ENTPD3: variants seen among roughly 807,000 people sequenced by gnomAD.
ENTPD3 encodes the protein CD39 antigen-like 3.
In ENTPD3, 60 loss-of-function variants were observed where a neutral mutation model predicts 51.2. The ratio of observed to expected loss-of-function variants is 1.17; its 90% CI spans 0.95 to 1.45. The LOEUF is 1.45. ENTPD3 is among the 40% of genes most tolerant of loss of function. ENTPD3 has a pLI of 0.00. For synonymous variants in ENTPD3, 221 were observed against 238.4 expected, an observed-to-expected ratio of 0.93 and a Z score of 0.67; for missense variants, 593 against 641.1, an observed-to-expected ratio of 0.93 and a Z score of 0.81.
At chr3:40,399,852 C>T (rs2125592798) in intron 3 of ENTPD3, among the ~76,000 whole-genome samples, 1 of 152,262 alleles carries the variant, frequency 6.6e-6, no homozygotes, top group East Asian at 1.9e-4. Flanking sequence ...CAACACCTGC[C>T]TGTTCATTTG....
intron 3 of ENTPD3, among the ~76,000 whole-genome samples, chr3:40,397,779 T>A (rs1218364171): frequency 2.6e-5 from 4 of 152,168 alleles, no homozygotes; most frequent in African/African-American, 4.8e-5. Flanking sequence ...ACAGAGTAAT[T>A]TAACCAGTTT....
intron 6 of ENTPD3, 33 bp downstream of exon 6, chr3:40,414,873 T>C (rs993234652): frequency 6.2e-7 from 1 of 1,611,030 alleles, no homozygotes; most frequent in Non-Finnish European, 8.5e-7. Context: ...TTTTTAATCT[T>C]ACTGTTTATC....
Position 40,392,065 on chromosome 3 carries a change from TG to T in ENTPD3, c.85del (p.Val29SerfsTer4). The T allele has an allele frequency of 6.2e-7, 1 of 1,614,184 alleles. No homozygotes were observed. Among genetic ancestry groups the T allele is most frequent in the East Asian group, 2.2e-5 (1 of 44,878 alleles). Reference protein sequence around the residue: ...LYRTPTIIALVVLLVSIVVLV... With the variant: ...LYRTPTIIALXVLLVSIVVLV... The stretch of plus-strand genomic sequence containing the variant: ...CGAACTCCAACCATCATTGCCTTGG[TG>T]GTCTTGCTTGTGAGTATTGTGGTAC... On this transcript the variant is annotated frameshift_variant, in exon 3 of 11. Coordinates refer to ENST00000301825, the MANE Select transcript of ENTPD3 (RefSeq NM_001248.4). LOFTEE classifies it high-confidence loss of function.
chr3:40,402,111 CT>C (rs775322652), intron 4 of ENTPD3, among the ~76,000 whole-genome samples: 5 of 97,280 alleles, frequency 5.1e-5, no homozygotes, highest in Non-Finnish European at 6.4e-5. Flanking sequence ...ATTTCCTTTC[CT>C]TTTTTTTTTT....
At chr3:40,389,317 A>G (rs1955005978) in intron 2 of ENTPD3, among the ~76,000 whole-genome samples, 1 of 151,948 alleles carries the variant, frequency 6.6e-6, no homozygotes, top group South Asian at 2.1e-4. Flanking sequence ...GCCTCTGTGG[A>G]TTAACTGGTT....
In ENTPD3 at chr3:40,415,865, A is replaced by G. The variant is rs140642770; in HGVS notation, c.623A>G (p.His208Arg). Residue 208 changes from histidine (H) to arginine (R), a missense_variant, in exon 7 of 11, where the codon CAC (histidine) becomes CGC (arginine). Physicochemically the swap from His to Arg is conservative, Grantham distance 29. Transcript: ENST00000301825. ...LEKNLWHMWV[H>R]PHGVETTGAL... ...AAGAACCTGTGGCACATGTGGGTGC[A>G]CCCGCATGGAGTGGAAACCACGGGT... is the stretch of plus-strand genomic sequence containing the variant. The G allele has an allele frequency of 8.7e-6, 14 of 1,613,894 alleles. No homozygotes were observed. In the African/African-American group the frequency reaches 1.9e-4, roughly 22 times the overall value.
chr3:40,413,915 C>T (rs371024656), intron 5 of ENTPD3, among the ~76,000 whole-genome samples: 2 of 152,280 alleles, frequency 1.3e-5, no homozygotes, highest in African/African-American at 2.4e-5. Context: ...TAATTGGCCA[C>T]GGAATTGGAA....
chr3:40,427,825 A>C lies in ENTPD3; in HGVS notation c.*317A>C, dbSNP rs1216200769. The stretch of plus-strand genomic sequence containing the variant: ...GAGTAAGTTGAGAAGGTATCAGTTT[A>C]ATGTTGAAGAATTGACCTCAGGGCT... On this transcript the variant is annotated 3_prime_UTR_variant, in exon 11 of 11. Transcript: ENST00000301825. The C allele has an allele frequency of 3.2e-6, 1 of 315,892 alleles. No homozygotes were observed. Among genetic ancestry groups the C allele is most frequent in the African/African-American group, 2.1e-5 (1 of 47,730 alleles). The allele number at this position is 315,892 out of a possible 1,614,324, so 19.6% of individuals were successfully genotyped here. A position where few individuals can be genotyped will look rare whatever the true frequency, so the allele number is the denominator to read the frequency against.
In ENTPD3 at chr3:40,416,051, A is replaced by T. The variant is rs760176932; in HGVS notation, c.809A>T (p.Lys270Met). 7.4e-6 allele frequency: 12 copies of T among 1,613,820 alleles called. No homozygotes were observed. In the African/African-American group the frequency reaches 8.0e-5, roughly 11 times the overall value. ...QCYGRNEAEKKFLAMLLQNSP... is the reference protein window; with the variant it reads ...QCYGRNEAEKMFLAMLLQNSP... Reference sequence around the variant, plus strand: ...TATGGCCGGAATGAGGCTGAGAAGAAGTTTCTGGCAATGCTCCTGCAGGTA... The same window carrying T: ...TATGGCCGGAATGAGGCTGAGAAGATGTTTCTGGCAATGCTCCTGCAGGTA... The change falls in exon 7 of 11, where the codon AAG (lysine) becomes ATG (methionine). Residue 270 changes from lysine to methionine, a missense_variant. Physicochemically the swap from Lys to Met is moderately conservative, Grantham distance 95. Transcript: ENST00000301825.
rs761734942 is a variant in ENTPD3 at position 40,427,422 on chromosome 3, C to T, written c.1504C>T (p.Leu502=). The change falls in exon 11 of 11, where the codon CTG becomes TTG. Residue 502 remains leucine (L), a synonymous_variant. Transcript: ENST00000301825. ...AFFTAAALLC[L]AFLAYLCSAT... ...CTTCACAGCGGCAGCCTTGCTGTGT[C>T]TGGCATTTCTTGCATACCTGTGTTC... The T allele has an allele frequency of 1.9e-6, 3 of 1,613,576 alleles. No homozygotes were observed. In the African/African-American group the frequency reaches 4.0e-5, roughly 22 times the overall value.
chr3:40,423,297 G>A lies in ENTPD3; in HGVS notation c.1111G>A (p.Ala371Thr), dbSNP rs1048372207. ...PKIKGPFVAFAGFYYTASALN... is the reference protein window; with the variant it reads ...PKIKGPFVAFTGFYYTASALN... ...CTGTATTACTTATTTCCAGGCTTTT[G>A]CAGGATTCTACTACACAGCCAGTGC... Residue 371 changes from alanine to threonine, a missense_variant, in exon 9 of 11, where the codon GCA becomes ACA. Physicochemically the swap from Ala to Thr is moderately conservative, Grantham distance 58. Coordinates refer to ENST00000301825, the MANE Select transcript of ENTPD3 (RefSeq NM_001248.4). 55 of 1,612,916 alleles carry A rather than the reference G, an allele frequency of 3.4e-5. No homozygotes were observed. Among genetic ancestry groups the A allele is most frequent in the Non-Finnish European group, 4.7e-5 (55 of 1,179,150 alleles).
intron 4 of ENTPD3, among the ~76,000 whole-genome samples, chr3:40,410,707 A>G (rs1955607798): frequency 6.6e-6 from 1 of 152,176 alleles, no homozygotes; most frequent in African/African-American, 2.4e-5. Context: ...ACAATCGACA[A>G]ACTCTAGACT....
intron 3 of ENTPD3, among the ~76,000 whole-genome samples, chr3:40,400,545 C>T (rs1955328106): frequency 6.6e-6 from 1 of 152,090 alleles, no homozygotes; most frequent in Non-Finnish European, 1.5e-5. Flanking sequence ...TTGGACTCAC[C>T]TGGGACTTTT....
At position 40,423,916 on chromosome 3, in the gene ENTPD3, T is replaced by C. The variant is rs1235020603; in HGVS notation, c.1306T>C (p.Tyr436His). Reference sequence around the variant, plus strand: ...CATCTACCACTTGTTTGTGAACGGTTACAAATTCACAGAGGAGACTTGGCC... The same window carrying C: ...CATCTACCACTTGTTTGTGAACGGTCACAAATTCACAGAGGAGACTTGGCC... Reference protein sequence around the residue: ...NYIYHLFVNGYKFTEETWPQI... With the variant: ...NYIYHLFVNGHKFTEETWPQI... Residue 436 changes from tyrosine (Y) to histidine (H), a missense_variant, in exon 10 of 11, where the codon TAC becomes CAC. By Grantham distance (83) the Tyr-to-His change is moderately conservative. Transcript: ENST00000301825. The C allele has an allele frequency of 6.2e-7, 1 of 1,614,174 alleles. No homozygotes were observed. The highest frequency in any genetic ancestry group is 8.5e-7 in the Non-Finnish European group (1 of 1,180,018).
At chr3:40,401,942 G>C (rs917789876) in intron 4 of ENTPD3, among the ~76,000 whole-genome samples, 1 of 151,554 alleles carries the variant, frequency 6.6e-6, no homozygotes, top group Non-Finnish European at 1.5e-5. Context: ...GTTCTTTATA[G>C]TTTTGTCTTA....
intron 4 of ENTPD3, among the ~76,000 whole-genome samples, chr3:40,408,927 TTTC>T (rs147260570): frequency 0.098 from 14,694 of 149,518 alleles, 1,808 homozygotes; most frequent in African/African-American, 0.31. Context: ...GGGGAACATT[TTTC>T]TTTTTTTAGG....
In ENTPD3 at chr3:40,397,726, G is replaced by A. The variant is rs151213050; in HGVS notation, c.169-3168G>A. On this transcript the variant is annotated intron_variant, in intron 3 of 10. Coordinates refer to ENST00000301825, the MANE Select transcript of ENTPD3 (RefSeq NM_001248.4). ...CAATCCTTAAGTGTTGGACCAAGGAGACTGGCCCTTTCAGTTAACATTAAT... is the reference window on the plus strand; with the variant it reads ...CAATCCTTAAGTGTTGGACCAAGGAAACTGGCCCTTTCAGTTAACATTAAT... Among the ~76,000 whole-genome samples, 3 of 152,262 alleles carry A rather than the reference G, an allele frequency of 2.0e-5. No individual in the cohort carries two copies. The East Asian group carries it at 5.8e-4, about 29-fold the overall frequency.
intron 5 of ENTPD3, 113 bp downstream of exon 5, chr3:40,412,075 A>C (rs1459524524): frequency 1.9e-6 from 2 of 1,065,926 alleles, no homozygotes; most frequent in East Asian, 3.2e-5. Context: ...CCCCAAAAAG[A>C]AGCCCACATT....
At chr3:40,391,762 C>A in intron 2 of ENTPD3, 8 of 467,714 alleles carry the variant, frequency 1.7e-5, no homozygotes, top group East Asian at 7.6e-5. Flanking sequence ...TATCAGAAAA[C>A]TAGACCATGC....
Sources: allele counts gnomAD v4.1 joint callset (sites outside exome capture counted in the v4.1 genomes callset), GRCh38; gene constraint gnomAD v4.1.1; transcripts MANE v1.5; gene names NCBI Gene and HGNC (gene_info 2026-07-23, HGNC 2026-07-21).